The following PIP5K1B variants were observed in gnomAD, a reference collection of about 807,000 sequenced individuals.
PIP5K1B encodes phosphatidylinositol-4-phosphate 5-kinase type 1 beta.
A neutral mutation model predicts 67.0 loss-of-function variants in PIP5K1B; 42 were observed. That is an observed-to-expected ratio of 0.63 (90% confidence interval 0.49 to 0.81). PIP5K1B has a LOEUF of 0.81. Ranked by LOEUF, PIP5K1B falls within the 30% of genes least tolerant of loss-of-function variation. The probability of loss-of-function intolerance (pLI) is 0.00; values close to 1 mark genes in which losing one functional copy is unlikely to be tolerated. For synonymous variants in PIP5K1B, 214 were observed against 231.4 expected (o/e 0.92, Z 0.68); for missense variants, 459 against 646.3 (o/e 0.71, Z 3.14).
chr9:68,995,332 AT>A (rs1296515028), intron 15 of PIP5K1B, among the ~76,000 whole-genome samples: 1 of 152,222 alleles, frequency 6.6e-6, no homozygotes, highest in Non-Finnish European at 1.5e-5. Context: ...AAACTTTCAC[AT>A]TCTTTAAACT....
intron 11 of PIP5K1B, among the ~76,000 whole-genome samples, chr9:68,921,324 G>A (rs1564235546): frequency 1.3e-5 from 2 of 151,472 alleles, no homozygotes; most frequent in Non-Finnish European, 1.5e-5. Context: ...AAAAAAAAAA[G>A]AATTAACCTC....
At chr9:68,889,595 C>A (rs112758064) in intron 7 of PIP5K1B, among the ~76,000 whole-genome samples, 1 of 151,818 alleles carries the variant, frequency 6.6e-6, no homozygotes, top group Admixed American at 6.6e-5. Flanking sequence ...ATTAGCCAGG[C>A]GTGGTGGTGG....
chr9:68,710,156 T>G (rs1267236827), intron 1 of PIP5K1B, among the ~76,000 whole-genome samples: 4 of 152,216 alleles, frequency 2.6e-5, no homozygotes, highest in Admixed American at 2.6e-4. Context: ...AAACATCAAG[T>G]CCTAAATGTA....
At chr9:68,840,796 C>A (rs534411864) in intron 4 of PIP5K1B, among the ~76,000 whole-genome samples, 5 of 152,298 alleles carry the variant, frequency 3.3e-5, no homozygotes, top group South Asian at 2.1e-4. Flanking sequence ...TGTTCATCAA[C>A]CTTGATCGTA....
At chr9:68,995,231 A>AAGAAAGAG (rs939911870) in intron 15 of PIP5K1B, among the ~76,000 whole-genome samples, 2 of 150,924 alleles carry the variant, frequency 1.3e-5, no homozygotes, top group African/African-American at 2.5e-5. Context: ...GGAGGGGAGA[A>AAGAAAGAG]AGAAAGAGAG....
intron 6 of PIP5K1B, among the ~76,000 whole-genome samples, chr9:68,880,592 T>TACAC (rs763461495): frequency 8.3e-4 from 64 of 77,090 alleles, no homozygotes; most frequent in African/African-American, 1.7e-3. Flanking sequence ...CACACACGCA[T>TACAC]ACACACACAC....
In PIP5K1B at chr9:68,903,328, C is replaced by T. The variant is rs1388268126; in HGVS notation, c.771+8690C>T. On this transcript the variant is annotated intron_variant, in intron 8 of 15. Transcript: ENST00000265382. Reference sequence around the variant, plus strand: ...TAATAAAAGCAGGTTTTAGTAATAACCTACACATGGTTTGTCTGGAAAGAA... The same window carrying T: ...TAATAAAAGCAGGTTTTAGTAATAATCTACACATGGTTTGTCTGGAAAGAA... Among the ~76,000 whole-genome samples the T allele has an allele frequency of 2.0e-5, 3 of 152,294 alleles. 1 individual carries two copies. Among genetic ancestry groups the T allele is most frequent in the South Asian group, 4.1e-4 (2 of 4,822 alleles).
intron 4 of PIP5K1B, among the ~76,000 whole-genome samples, chr9:68,832,683 G>A (rs929596980): frequency 2.0e-5 from 3 of 152,128 alleles, no homozygotes; most frequent in Admixed American, 1.3e-4. Flanking sequence ...TGACATGCAC[G>A]TACACCCAGA....
intron 2 of PIP5K1B, among the ~76,000 whole-genome samples, chr9:68,745,061 T>C (rs947919557): frequency 1.3e-5 from 2 of 152,316 alleles, no homozygotes; most frequent in South Asian, 4.1e-4. Context: ...GTCGTTTCCT[T>C]TGGCTTGTCC....
At chr9:68,782,074 G>A (rs1306882660) in intron 2 of PIP5K1B, 1 of 167,032 alleles carries the variant, frequency 6.0e-6, no homozygotes, top group Non-Finnish European at 1.5e-5. Flanking sequence ...GTTTTCCCTT[G>A]TTCAGGAAGG....
chr9:68,722,174 C>T (rs1279685040), intron 1 of PIP5K1B, among the ~76,000 whole-genome samples: 3 of 152,024 alleles, frequency 2.0e-5, no homozygotes, highest in Non-Finnish European at 2.9e-5. Context: ...GCTTTGTCTC[C>T]CCCAACCAAA....
At chr9:68,722,457 C>T (rs1009245826) in intron 1 of PIP5K1B, among the ~76,000 whole-genome samples, 10 of 151,802 alleles carry the variant, frequency 6.6e-5, no homozygotes, top group African/African-American at 9.7e-5. Flanking sequence ...TCAAGTGTTC[C>T]GCCCGCCTCG....
rs537706627 is a variant in PIP5K1B, at chr9:68,801,479, T to C, written c.-85-16982T>C. Among the ~76,000 whole-genome samples the C allele has an allele frequency of 1.1e-4, 17 of 152,182 alleles. No homozygotes were observed. In the South Asian group the frequency reaches 3.5e-3, roughly 32 times the overall value. On this transcript the variant is annotated intron_variant, in intron 2 of 15. Transcript: ENST00000265382. ...ACTGAGACATCCGCACAGTGGTGGG[T>C]GTTGAGGCACCCTGCCAGGTGGGAG... is the stretch of plus-strand genomic sequence containing the variant.
chr9:68,737,106 G>A lies in PIP5K1B; in HGVS notation c.-242-5395G>A, dbSNP rs187931581. Among the ~76,000 whole-genome samples the A allele has an allele frequency of 1.2e-3, 189 of 152,254 alleles. 1 individual carries two copies. The highest frequency in any genetic ancestry group is 3.4e-3 in the Middle Eastern group (1 of 294). On this transcript the variant is annotated intron_variant, in intron 1 of 15. Coordinates refer to ENST00000265382, the MANE Select transcript of PIP5K1B (RefSeq NM_003558.4). ...GGAACAAAGAGCATGAACATCTTATGTATTTGCTTCCAAATACAGTTAAAT... is the reference window on the plus strand; with the variant it reads ...GGAACAAAGAGCATGAACATCTTATATATTTGCTTCCAAATACAGTTAAAT...
intron 7 of PIP5K1B, among the ~76,000 whole-genome samples, chr9:68,892,664 A>C (rs1346486173): frequency 6.6e-6 from 1 of 152,240 alleles, no homozygotes; most frequent in Non-Finnish European, 1.5e-5. Context: ...TTTGGAAGAA[A>C]ATAAAAGTTT....
chr9:68,923,823 G>A (rs955291561), intron 12 of PIP5K1B, among the ~76,000 whole-genome samples: 2 of 152,130 alleles, frequency 1.3e-5, no homozygotes, highest in African/African-American at 4.8e-5. Flanking sequence ...TGGATCATAT[G>A]TTAGGCCACA....
chr9:68,895,856 C>T (rs1259438077), intron 8 of PIP5K1B, among the ~76,000 whole-genome samples: 9 of 152,060 alleles, frequency 5.9e-5, no homozygotes. Context: ...TTCATACTTC[C>T]ATTTTAATTG....
chr9:68,794,170 G>A (rs1832158444), intron 2 of PIP5K1B, among the ~76,000 whole-genome samples: 1 of 152,202 alleles, frequency 6.6e-6, no homozygotes, highest in Non-Finnish European at 1.5e-5. Flanking sequence ...TGACTTGAGT[G>A]GAGTTAAGAT....
intron 8 of PIP5K1B, among the ~76,000 whole-genome samples, chr9:68,913,871 T>TA (rs755107162): frequency 0.034 from 4,974 of 147,548 alleles, 185 homozygotes; most frequent in African/African-American, 0.094. Context: ...ATTTATTCTT[T>TA]AAAAAAAAAA....
Sources: gnomAD v4.1 joint callset for allele counts (sites outside exome capture counted in the v4.1 genomes callset) on GRCh38, gnomAD v4.1.1 for gene constraint, MANE v1.5 for transcripts, NCBI Gene and HGNC (gene_info 2026-07-23, HGNC 2026-07-21) for gene names.